The following MICAL2 variants were observed in gnomAD, a reference collection of about 807,000 sequenced individuals.
MICAL2 encodes [F-actin]-monooxygenase MICAL2.
MICAL2 carries 77 observed loss-of-function variants against 127.3 expected under a neutral mutation model. The ratio of observed to expected loss-of-function variants is 0.60; its 90% CI spans 0.50 to 0.73. The LOEUF (loss-of-function observed/expected upper bound fraction) is 0.73. Ranked by LOEUF, MICAL2 falls within the 30% of genes least tolerant of loss-of-function variation. The pLI is 0.00. For missense variants in MICAL2, 1,351 were observed against 1,434.4 expected, an observed-to-expected ratio of 0.94 and a Z score of 0.94; for synonymous variants, 570 against 551.1, an observed-to-expected ratio of 1.03 and a Z score of -0.48.
intron 2 of MICAL2, among the ~76,000 whole-genome samples, chr11:12,143,861 AT>A (rs1852599783): frequency 6.6e-6 from 1 of 152,200 alleles, no homozygotes; most frequent in Admixed American, 6.5e-5. Context: ...CAGGAAGTAG[AT>A]TATTTGTCAT....
upstream of MICAL2, among the ~76,000 whole-genome samples, chr11:12,275,001 G>C (rs1159521282): frequency 1.3e-5 from 2 of 152,062 alleles, no homozygotes; most frequent in Non-Finnish European, 2.9e-5. Context: ...TGGACCAGGA[G>C]TGGGAAGCAG....
intron 1 of MICAL2, among the ~76,000 whole-genome samples, chr11:12,114,966 A>G (rs1849889673): frequency 6.6e-6 from 1 of 152,064 alleles, no homozygotes; most frequent in African/African-American, 2.4e-5. Flanking sequence ...CTGCCACAGG[A>G]ATGACCATGT....
chr11:12,205,886 G>A (rs1046782859), intron 4 of MICAL2, among the ~76,000 whole-genome samples: 1 of 152,218 alleles, frequency 6.6e-6, no homozygotes, highest in African/African-American at 2.4e-5. Flanking sequence ...GGGTAGGTGG[G>A]AGGAGGGCCC....
chr11:12,303,210 T>G (rs2134808157), intron 29 of MICAL2, among the ~76,000 whole-genome samples: 1 of 152,292 alleles, frequency 6.6e-6, no homozygotes, highest in South Asian at 2.1e-4. Context: ...GGTGGGGACA[T>G]GGAGCCAAAC....
At chr11:12,244,658 G>A (rs1860453155) in intron 21 of MICAL2, among the ~76,000 whole-genome samples, 1 of 152,202 alleles carries the variant, frequency 6.6e-6, no homozygotes, top group Non-Finnish European at 1.5e-5. Flanking sequence ...TGGGAACTGA[G>A]TGAGTGTTGA....
intron 7 of MICAL2, among the ~76,000 whole-genome samples, chr11:12,215,198 G>A (rs1052312589): frequency 1.3e-5 from 2 of 152,188 alleles, no homozygotes; most frequent in Admixed American, 6.5e-5. Context: ...ACGTTTCAGT[G>A]AACTTCCTTG....
chr11:12,349,042 A>G (rs1011407819), intron 32 of MICAL2, among the ~76,000 whole-genome samples: 5 of 152,200 alleles, frequency 3.3e-5, no homozygotes, highest in Admixed American at 1.3e-4. Context: ...CCCTCTGCGT[A>G]TGGGACCCTC....
Position 12,226,198 on chromosome 11 carries a change from T to A in MICAL2, c.1716T>A (p.Asp572Glu), listed in dbSNP as rs1340934459. The change falls in exon 14 of 28, where the codon GAT becomes GAA. Residue 572 changes from aspartate (D) to glutamate (E), a missense_variant. Coordinates refer to ENST00000683283, the MANE Select transcript of MICAL2 (RefSeq NM_001282663.2). ...LINFDSLNED[D>E]AVENNQLAFD... The stretch of plus-strand genomic sequence containing the variant: ...ACTTTGACTCTTTGAATGAAGATGA[T>A]GCTGTGGAGAACAACCAGCTCGCAT... 6.2e-7 allele frequency: 1 copy of A among 1,614,144 alleles called. No homozygotes were observed. Among genetic ancestry groups the A allele is most frequent in the African/African-American group, 1.3e-5 (1 of 74,948 alleles).
At chr11:12,170,603 T>G (rs1442042698) in intron 3 of MICAL2, among the ~76,000 whole-genome samples, 1 of 152,184 alleles carries the variant, frequency 6.6e-6, no homozygotes, top group Non-Finnish European at 1.5e-5. Flanking sequence ...CCATGGAGGA[T>G]CTGTCCTATT....
intron 2 of MICAL2, among the ~76,000 whole-genome samples, chr11:12,284,764 A>C (rs1242952790): frequency 1.3e-5 from 2 of 152,204 alleles, no homozygotes; most frequent in Non-Finnish European, 2.9e-5. Context: ...TGGGCTATTC[A>C]TCTCCTCATG....
chr11:12,343,556 C>A (rs921888683), intron 32 of MICAL2, among the ~76,000 whole-genome samples: 3 of 151,996 alleles, frequency 2.0e-5, no homozygotes, highest in East Asian at 1.9e-4. Context: ...TCTAACAGGC[C>A]AGATTTTAGG....
At chr11:12,199,407 T>C (rs1214818061) in intron 3 of MICAL2, among the ~76,000 whole-genome samples, 1 of 152,158 alleles carries the variant, frequency 6.6e-6, no homozygotes, top group Non-Finnish European at 1.5e-5. Flanking sequence ...TGCTAGCTTC[T>C]GCACTCGACC....
At chr11:12,337,917 G>A (rs1051440666) in intron 32 of MICAL2, among the ~76,000 whole-genome samples, 17 of 152,188 alleles carry the variant, frequency 1.1e-4, no homozygotes, top group African/African-American at 3.9e-4. Context: ...GTGCTGAAAA[G>A]AATGTATATT....
chr11:12,314,477 ACT>A (rs1473779046), intron 29 of MICAL2, among the ~76,000 whole-genome samples: 1 of 145,492 alleles, frequency 6.9e-6, no homozygotes. Flanking sequence ...ACTTTAGAAA[ACT>A]CTATTTTTTT....
At chr11:12,115,412 C>A (rs1048011881) in intron 1 of MICAL2, among the ~76,000 whole-genome samples, 3 of 152,220 alleles carry the variant, frequency 2.0e-5, no homozygotes, top group African/African-American at 4.8e-5. Flanking sequence ...GAACAGCCCT[C>A]AACATGAAGA....
upstream of MICAL2, among the ~76,000 whole-genome samples, chr11:12,275,195 T>C (rs1452923456): frequency 6.6e-6 from 1 of 152,046 alleles, no homozygotes; most frequent in African/African-American, 2.4e-5. Flanking sequence ...GGGCAAGACA[T>C]GTTGGGTGGG....
chr11:12,187,089 C>T (rs1858398741), intron 3 of MICAL2, among the ~76,000 whole-genome samples: 1 of 152,188 alleles, frequency 6.6e-6, no homozygotes, highest in African/African-American at 2.4e-5. Flanking sequence ...ATCCTGTGTC[C>T]CCTCTGCTCT....
chr11:12,201,007 C>T (rs1032402877), intron 3 of MICAL2, among the ~76,000 whole-genome samples: 4 of 152,258 alleles, frequency 2.6e-5, no homozygotes, highest in Non-Finnish European at 4.4e-5. Flanking sequence ...AACCCCAAAG[C>T]AAACCTCACC....
chr11:12,360,709 G>C (rs1939193640), downstream of MICAL2, among the ~76,000 whole-genome samples: 3 of 152,174 alleles, frequency 2.0e-5, no homozygotes, highest in African/African-American at 7.2e-5. Context: ...AGAGAAGGTG[G>C]TTTGGCCCCT....
Sources: gnomAD v4.1 joint callset for allele counts (sites outside exome capture counted in the v4.1 genomes callset) on GRCh38, gnomAD v4.1.1 for gene constraint, MANE v1.5 for transcripts, NCBI Gene and HGNC (gene_info 2026-07-23, HGNC 2026-07-21) for gene names.